The following NF1 variants were observed in gnomAD, a reference collection of about 807,000 sequenced individuals.
The protein encoded by NF1 is neurofibromin.
NF1 carries 122 observed loss-of-function variants against 325.7 expected under a neutral mutation model. The ratio of observed to expected loss-of-function variants is 0.37; its 90% CI spans 0.32 to 0.44. NF1 has a LOEUF of 0.44. Among genes scored for constraint, NF1 ranks in the 20% least tolerant of loss-of-function variants. NF1 has a pLI of 1.00. For synonymous variants in NF1, 1,091 were observed against 1,186.0 expected (o/e 0.92, Z 1.65); for missense variants, 2,140 against 3,415.4 (o/e 0.63, Z 9.31).
At chr17:31,289,735 T>G (rs568996462) in intron 36 of NF1, among the ~76,000 whole-genome samples, 1 of 152,330 alleles carries the variant, frequency 6.6e-6, no homozygotes, top group South Asian at 2.1e-4. Context: ...TGTTTCAGTT[T>G]TTCTTGTTAG....
In NF1 at chr17:31,229,020, T is replaced by A. The variant is rs2151428754; in HGVS notation, c.2410-5T>A. On this transcript the variant is annotated splice_region_variant and splice_polypyrimidine_tract_variant and intron_variant, in intron 20 of 57. Transcript: ENST00000358273. ...TCATGCTTTGCACAAAAATTTTGTGTTTAGGCTGCTGAAAGCCTTCACAAG... is the reference window on the plus strand; with the variant it reads ...TCATGCTTTGCACAAAAATTTTGTGATTAGGCTGCTGAAAGCCTTCACAAG... 1 of 1,596,528 alleles carries A rather than the reference T, an allele frequency of 6.3e-7. No individual in the cohort carries two copies. The highest frequency in any genetic ancestry group is 2.3e-4 in the Middle Eastern group (1 of 4,370).
At chr17:31,366,311 G>A (rs921055964) in intron 57 of NF1, among the ~76,000 whole-genome samples, 1 of 152,032 alleles carries the variant, frequency 6.6e-6, no homozygotes, top group African/African-American at 2.4e-5. Flanking sequence ...GTATTGGTGC[G>A]TGAATTTTTT....
intron 48 of NF1, chr17:31,345,840 C>G: frequency 1.2e-6 from 2 of 1,613,660 alleles, no homozygotes; most frequent in Non-Finnish European, 1.7e-6. Context: ...TGAAGTGGAT[C>G]TAGTGATCAG....
At chr17:31,355,854 A>T (rs2070257186) in intron 51 of NF1, 1 of 153,644 alleles carries the variant, frequency 6.5e-6, no homozygotes, top group Non-Finnish European at 1.4e-5. Flanking sequence ...TATCAAAAGA[A>T]AAAAATAGTG....
chr17:31,285,180 G>A (rs1170837073), intron 36 of NF1, among the ~76,000 whole-genome samples: 2 of 150,424 alleles, frequency 1.3e-5, no homozygotes, highest in African/African-American at 4.9e-5. Context: ...GGGAGGGTGA[G>A]ACAGGAGAAT....
At chr17:31,372,648 A>G (rs2070665872) in intron 57 of NF1, among the ~76,000 whole-genome samples, 1 of 152,092 alleles carries the variant, frequency 6.6e-6, no homozygotes, top group East Asian at 1.9e-4. Flanking sequence ...ATCTTTCCTA[A>G]TGTGATAGAT....
intron 8 of NF1, chr17:31,182,877 A>C (rs148386157): frequency 1.6e-6 from 1 of 608,232 alleles, no homozygotes; most frequent in Non-Finnish European, 2.9e-6. Flanking sequence ...GGCAATGAAC[A>C]AAGATTTAAA....
rs143818072 is a variant in NF1, at chr17:31,165,475, G to A, written c.479+2099G>A. 5.9e-3 allele frequency among the ~76,000 whole-genome samples: 901 copies of A among 152,252 alleles called. 7 individuals are homozygous for A. Among genetic ancestry groups the A allele is most frequent in the African/African-American group, 0.02 (835 of 41,538 alleles). On this transcript the variant is annotated intron_variant, in intron 4 of 57. Coordinates refer to ENST00000358273, the MANE Select transcript of NF1 (RefSeq NM_001042492.3). ...GGTTGGAACATCTTATGCTGTCATC[G>A]TCATAGTATTAGGTGACTTAAAATA...
chr17:31,176,527 C>T (rs2143746718), intron 5 of NF1, among the ~76,000 whole-genome samples: 1 of 152,242 alleles, frequency 6.6e-6, no homozygotes, highest in Non-Finnish European at 1.5e-5. Flanking sequence ...TCCCATTTGT[C>T]AATTTTGGCA....
chr17:31,182,492 T>C lies in NF1; in HGVS notation c.731-16T>C, dbSNP rs1227193781. On this transcript the variant is annotated splice_polypyrimidine_tract_variant and intron_variant, in intron 7 of 57. Transcript: ENST00000358273. The stretch of plus-strand genomic sequence containing the variant: ...GTTCCTATCTAATAATGTCATTTAA[T>C]ATATTTTTCATGCAGAATGTGCAGA... 6.2e-7 allele frequency: 1 copy of C among 1,613,338 alleles called. No individual in the cohort carries two copies. The highest frequency in any genetic ancestry group is 1.3e-5 in the African/African-American group (1 of 75,062).
At chr17:31,295,011 A>T (rs2068430651) in intron 36 of NF1, 4 of 1,614,012 alleles carry the variant, frequency 2.5e-6, no homozygotes. Context: ...GCAGACCCTC[A>T]GACAGCCAGC....
intron 1 of NF1, among the ~76,000 whole-genome samples, chr17:31,107,945 C>T (rs1261740224): frequency 6.6e-6 from 1 of 151,664 alleles, no homozygotes. Flanking sequence ...TGAGATCAAC[C>T]TGGACAACAC....
At chr17:31,234,111 A>G (rs2067160001) in intron 27 of NF1, among the ~76,000 whole-genome samples, 1 of 151,624 alleles carries the variant, frequency 6.6e-6, no homozygotes, top group Admixed American at 6.6e-5. Context: ...TGGTGAGAAC[A>G]CCTGGCATGA....
intron 36 of NF1, chr17:31,304,717 A>T: frequency 6.2e-7 from 1 of 1,614,154 alleles, no homozygotes; most frequent in Non-Finnish European, 8.5e-7. Context: ...GGAGTCTTCA[A>T]TGTTTTCACT....
chr17:31,266,421 C>A (rs1597754409), intron 36 of NF1, among the ~76,000 whole-genome samples: 2 of 152,110 alleles, frequency 1.3e-5, no homozygotes, highest in Non-Finnish European at 2.9e-5. Context: ...TTGCATTGAA[C>A]CTCCCGCCAC....
intron 12 of NF1, 50 bp downstream of exon 12, chr17:31,206,421 T>C (rs935996029): frequency 6.2e-7 from 1 of 1,608,346 alleles, no homozygotes; most frequent in Non-Finnish European, 8.5e-7. Flanking sequence ...ATTGCATTTT[T>C]TTTAGTGTCT....
At chr17:31,274,342 A>G (rs1479716866) in intron 36 of NF1, among the ~76,000 whole-genome samples, 1 of 152,136 alleles carries the variant, frequency 6.6e-6, no homozygotes, top group African/African-American at 2.4e-5. Flanking sequence ...TAATGTTTTC[A>G]TCATATTGGC....
intron 1 of NF1, among the ~76,000 whole-genome samples, chr17:31,135,465 T>G (rs1264409597): frequency 6.8e-6 from 1 of 146,770 alleles, no homozygotes; most frequent in Non-Finnish European, 1.5e-5. Context: ...AGTCTGATGG[T>G]TTTTTTTTCT....
At chr17:31,305,666 AG>A in intron 36 of NF1, 1 of 1,538,848 alleles carries the variant, frequency 6.5e-7, no homozygotes. Context: ...AAAGACAGTT[AG>A]GCGTCATTGG....
Sources: allele counts gnomAD v4.1 joint callset (sites outside exome capture counted in the v4.1 genomes callset), GRCh38; gene constraint gnomAD v4.1.1; transcripts MANE v1.5; gene names NCBI Gene and HGNC (gene_info 2026-07-23, HGNC 2026-07-21).